Variants in NTM observed in about 807,000 individuals in gnomAD.
NTM encodes neurotrimin.
In NTM, 13 loss-of-function variants were observed where a neutral mutation model predicts 42.1. The ratio of observed to expected loss-of-function variants is 0.31; its 90% CI spans 0.20 to 0.49. The LOEUF is 0.49. Ranked by LOEUF, NTM falls within the 20% of genes least tolerant of loss-of-function variation. NTM has a pLI of 0.99. For missense variants in NTM, 373 were observed against 452.8 expected, an observed-to-expected ratio of 0.82 and a Z score of 1.60; for synonymous variants, 187 against 179.2, an observed-to-expected ratio of 1.04 and a Z score of -0.35.
intron 1 of NTM, among the ~76,000 whole-genome samples, chr11:131,520,610 C>T (rs1292653674): frequency 6.6e-6 from 1 of 152,138 alleles, no homozygotes; most frequent in Admixed American, 6.6e-5. Flanking sequence ...TTTTAAAAAT[C>T]CTTCCAAATA....
At chr11:131,902,166 A>G (rs569837499) in intron 1 of NTM, among the ~76,000 whole-genome samples, 11 of 152,366 alleles carry the variant, frequency 7.2e-5, no homozygotes, top group Admixed American at 2.0e-4. Context: ...AGAGTCAATA[A>G]GTTTGTCAGA....
intron 1 of NTM, among the ~76,000 whole-genome samples, chr11:131,849,730 A>G (rs767056622): frequency 2.0e-5 from 3 of 148,606 alleles, no homozygotes; most frequent in African/African-American, 7.4e-5. Flanking sequence ...AGAGCCCTTT[A>G]TGGGTTAGCT....
chr11:131,764,367 C>T (rs2135841887), intron 1 of NTM, among the ~76,000 whole-genome samples: 1 of 152,248 alleles, frequency 6.6e-6, no homozygotes, highest in Admixed American at 6.5e-5. Flanking sequence ...TTTCCTTCTT[C>T]CTCATGTCAC....
intron 1 of NTM, among the ~76,000 whole-genome samples, chr11:131,807,466 TAGC>T (rs2092557159): frequency 1.3e-5 from 2 of 152,164 alleles, no homozygotes; most frequent in South Asian, 4.1e-4. Flanking sequence ...GGAGAAGAAT[TAGC>T]AGTGTGGGCT....
chr11:131,425,729 A>T (rs1170972486), intron 1 of NTM, among the ~76,000 whole-genome samples: 1 of 152,196 alleles, frequency 6.6e-6, no homozygotes, highest in Admixed American at 6.5e-5. Context: ...GGGGCTGATC[A>T]GTATCTATAG....
chr11:132,031,008 T>C (rs986336802), intron 2 of NTM, among the ~76,000 whole-genome samples: 1 of 152,146 alleles, frequency 6.6e-6, no homozygotes, highest in Non-Finnish European at 1.5e-5. Context: ...CCAGACCTGG[T>C]TGATGGAACA....
intron 1 of NTM, among the ~76,000 whole-genome samples, chr11:131,599,117 G>T (rs985220627): frequency 2.6e-5 from 4 of 152,026 alleles, no homozygotes; most frequent in Admixed American, 2.6e-4. Flanking sequence ...GTTTCACCTT[G>T]TTGGCCAGGC....
At chr11:131,845,772 A>G (rs1168177760) in intron 1 of NTM, among the ~76,000 whole-genome samples, 1 of 152,066 alleles carries the variant, frequency 6.6e-6, no homozygotes, top group Non-Finnish European at 1.5e-5. Context: ...AAAATAAAAG[A>G]AAAAAGACAA....
At chr11:131,628,350 T>A (rs1310661560) in intron 1 of NTM, among the ~76,000 whole-genome samples, 1 of 152,248 alleles carries the variant, frequency 6.6e-6, no homozygotes, top group Non-Finnish European at 1.5e-5. Flanking sequence ...GAAGATTATC[T>A]TCCTGTGATA....
chr11:132,021,991 C>T (rs1220886986), intron 2 of NTM, among the ~76,000 whole-genome samples: 1 of 152,200 alleles, frequency 6.6e-6, no homozygotes, highest in Non-Finnish European at 1.5e-5. Flanking sequence ...TGAGCAGAAC[C>T]TGGGGTAGTC....
At chr11:131,644,112 T>C (rs1592340170) in intron 1 of NTM, among the ~76,000 whole-genome samples, 2 of 151,906 alleles carry the variant, frequency 1.3e-5, no homozygotes, top group Admixed American at 1.3e-4. Context: ...GTGCAGGAGG[T>C]TGCATGCGAC....
Position 132,132,011 on chromosome 11 carries a change from G to A in NTM, c.168-14271G>A, listed in dbSNP as rs1038257250. On this transcript the variant is annotated intron_variant, in intron 2 of 8. Transcript: ENST00000683400. ...CAGTTAATAGAGAGCATCATCAAAGGCACCAAGAGTTTCCGTAAAGGACTT... is the reference window on the plus strand; with the variant it reads ...CAGTTAATAGAGAGCATCATCAAAGACACCAAGAGTTTCCGTAAAGGACTT... 4.6e-5 allele frequency among the ~76,000 whole-genome samples: 7 copies of A among 152,176 alleles called. 1 individual carries two copies. Among genetic ancestry groups the A allele is most frequent in the African/African-American group, 1.7e-4 (7 of 41,444 alleles).
chr11:131,409,683 G>T (rs1274749083), intron 1 of NTM, among the ~76,000 whole-genome samples: 1 of 152,134 alleles, frequency 6.6e-6, no homozygotes, highest in Admixed American at 6.5e-5. Context: ...GTCTATAAAA[G>T]CCCCGTTTTC....
At chr11:131,710,934 C>T (rs1049623143) in intron 1 of NTM, among the ~76,000 whole-genome samples, 9 of 152,166 alleles carry the variant, frequency 5.9e-5, no homozygotes, top group African/African-American at 1.4e-4. Flanking sequence ...CCTGTCCCCA[C>T]CAAGGAGTAT....
intron 1 of NTM, among the ~76,000 whole-genome samples, chr11:131,452,326 C>T (rs1174512442): frequency 6.6e-6 from 1 of 152,226 alleles, no homozygotes; most frequent in Non-Finnish European, 1.5e-5. Flanking sequence ...TCTTTGCTCA[C>T]CCACAGTCCA....
chr11:132,182,588 A>T (rs1332789616), intron 3 of NTM, among the ~76,000 whole-genome samples: 3 of 152,202 alleles, frequency 2.0e-5, no homozygotes, highest in Non-Finnish European at 2.9e-5. Context: ...AAAACTGGAA[A>T]GTAATAATGA....
At chr11:131,415,307 C>T (rs1424628796) in intron 1 of NTM, among the ~76,000 whole-genome samples, 3 of 152,114 alleles carry the variant, frequency 2.0e-5, no homozygotes, top group Non-Finnish European at 4.4e-5. Flanking sequence ...CGGCCTGATG[C>T]CTGGTGTGCC....
intron 1 of NTM, among the ~76,000 whole-genome samples, chr11:131,664,299 A>G (rs962232330): frequency 3.2e-4 from 49 of 152,252 alleles, no homozygotes; most frequent in African/African-American, 1.2e-3. Flanking sequence ...GAGACCAAGT[A>G]CCTATAAAAG....
chr11:131,502,826 C>T (rs71483671), intron 1 of NTM: 4,045 of 152,296 alleles, frequency 0.027, 73 homozygotes, highest in Non-Finnish European at 0.04. Context: ...AGCATCTGAT[C>T]GAATGCTTTT....
Sources: gnomAD v4.1 joint callset for allele counts (sites outside exome capture counted in the v4.1 genomes callset) on GRCh38, gnomAD v4.1.1 for gene constraint, MANE v1.5 for transcripts, NCBI Gene and HGNC (gene_info 2026-07-23, HGNC 2026-07-21) for gene names.